The following HECW1 variants were observed in gnomAD, a reference collection of about 807,000 sequenced individuals.
HECW1 encodes the protein HECT, C2 and WW domain containing E3 ubiquitin protein ligase 1, also known as E3 ubiquitin-protein ligase HECW1.
A neutral mutation model predicts 182.3 loss-of-function variants in HECW1; 61 were observed. The ratio of observed to expected loss-of-function variants is 0.33; its 90% CI spans 0.27 to 0.41. The LOEUF (loss-of-function observed/expected upper bound fraction) is 0.41. HECW1 is among the 10% of genes least tolerant of loss of function. The probability of loss-of-function intolerance (pLI) is 1.00; values close to 1 mark genes in which losing one functional copy is unlikely to be tolerated. For synonymous variants in HECW1, 859 were observed against 832.6 expected (o/e 1.03, Z -0.55); for missense variants, 1,739 against 2,108.9 (o/e 0.82, Z 3.44).
intron 2 of HECW1, among the ~76,000 whole-genome samples, chr7:43,193,092 G>T (rs1794088983): frequency 6.6e-6 from 1 of 152,168 alleles, no homozygotes; most frequent in South Asian, 2.1e-4. Flanking sequence ...CACCATATAA[G>T]GTAACTTCTG....
intron 26 of HECW1, among the ~76,000 whole-genome samples, chr7:43,548,821 A>G (rs1017595602): frequency 9.2e-5 from 14 of 152,164 alleles, no homozygotes; most frequent in African/African-American, 3.4e-4. Context: ...GCATGCACCT[A>G]TAGTCCCAGT....
At chr7:43,443,423 TTTCTATA>T (rs1168909965) in intron 10 of HECW1, among the ~76,000 whole-genome samples, 1 of 152,238 alleles carries the variant, frequency 6.6e-6, no homozygotes, top group Non-Finnish European at 1.5e-5. Flanking sequence ...ATTCAGTCTA[TTTCTATA>T]TTCTGAGAAT....
intron 4 of HECW1, among the ~76,000 whole-genome samples, chr7:43,319,731 C>T (rs1278870209): frequency 6.8e-6 from 1 of 146,168 alleles, no homozygotes; most frequent in African/African-American, 2.6e-5. Flanking sequence ...TCCCAAATAG[C>T]TGAGATTATA....
chr7:43,274,675 G>A (rs1266341513), intron 3 of HECW1: 6 of 282,102 alleles, frequency 2.1e-5, no homozygotes, highest in Non-Finnish European at 3.5e-5. Flanking sequence ...GAGAGAGAGC[G>A]CGCAGTAAAA....
At chr7:43,389,421 G>T (rs922898730) in intron 6 of HECW1, among the ~76,000 whole-genome samples, 2 of 152,146 alleles carry the variant, frequency 1.3e-5, no homozygotes, top group Non-Finnish European at 2.9e-5. Flanking sequence ...TAGAGCAGAT[G>T]CCACTCAATT....
chr7:43,211,749 C>T (rs934869400), intron 2 of HECW1, among the ~76,000 whole-genome samples: 4 of 152,190 alleles, frequency 2.6e-5, no homozygotes, highest in African/African-American at 4.8e-5. Flanking sequence ...GGATATTGAA[C>T]AAAGGGAAAA....
intron 22 of HECW1, 101 bp downstream of exon 22, chr7:43,507,358 G>A: frequency 2.6e-6 from 3 of 1,168,344 alleles, no homozygotes; most frequent in Non-Finnish European, 3.6e-6. Context: ...GGCTACTCTG[G>A]TGTGGTAGTG....
chr7:43,363,322 G>A (rs527277691), intron 6 of HECW1, among the ~76,000 whole-genome samples: 1 of 152,320 alleles, frequency 6.6e-6, no homozygotes, highest in East Asian at 1.9e-4. Context: ...TCACACTGTT[G>A]ACATAAGGTT....
chr7:43,341,255 A>C (rs911365288), intron 5 of HECW1, among the ~76,000 whole-genome samples: 20 of 151,460 alleles, frequency 1.3e-4, no homozygotes, highest in Non-Finnish European at 2.2e-4. Flanking sequence ...CACATGTATA[A>C]CTATGTAACA....
chr7:43,371,785 G>A (rs1196902185), intron 6 of HECW1, among the ~76,000 whole-genome samples: 1 of 152,104 alleles, frequency 6.6e-6, no homozygotes, highest in Admixed American at 6.5e-5. Context: ...TTGTGATTAT[G>A]GGGAAAGGTT....
chr7:43,350,105 C>T (rs1814223926), intron 5 of HECW1, among the ~76,000 whole-genome samples: 2 of 152,230 alleles, frequency 1.3e-5, no homozygotes, highest in African/African-American at 4.8e-5. Flanking sequence ...GAGACTATAT[C>T]TTTCCTTCAT....
intron 14 of HECW1, 38 bp from the exon 15 acceptor site, chr7:43,466,409 C>A: frequency 6.2e-7 from 1 of 1,605,844 alleles, no homozygotes; most frequent in Non-Finnish European, 8.5e-7. Context: ...ATGCCTTTTT[C>A]CCAATGCATT....
chr7:43,432,739 T>A lies in HECW1; in HGVS notation c.802-5264T>A, dbSNP rs557994432. 4.2e-4 allele frequency among the ~76,000 whole-genome samples: 64 copies of A among 152,366 alleles called. No homozygotes were observed. Among genetic ancestry groups the A allele is most frequent in the African/African-American group, 1.5e-3 (62 of 41,598 alleles). ...TACCAACACTCTCCTAATCTCTGCC[T>A]AAATTGCTCATTATGCAACTGCTAC... On this transcript the variant is annotated intron_variant, in intron 8 of 29. Transcript: ENST00000395891. This position sits in a 1 kb window ranked among gnomAD's most constrained non-coding sequence, Gnocchi z 4.1.
At chr7:43,469,131 T>G (rs1326374138) in intron 16 of HECW1, 26 bp downstream of exon 16, 1 of 1,607,232 alleles carries the variant, frequency 6.2e-7, no homozygotes, top group African/African-American at 1.3e-5. Flanking sequence ...GTGCGGGGCT[T>G]TCATCAAACA....
chr7:43,367,814 A>G (rs968155834), intron 6 of HECW1, among the ~76,000 whole-genome samples: 5 of 152,216 alleles, frequency 3.3e-5, no homozygotes, highest in Non-Finnish European at 7.3e-5. Context: ...TTAGATATCA[A>G]CATAATGTAT....
chr7:43,402,039 T>G (rs1436573192), intron 7 of HECW1, among the ~76,000 whole-genome samples: 2 of 151,960 alleles, frequency 1.3e-5, no homozygotes, highest in Non-Finnish European at 2.9e-5. Context: ...ACAGCCAAAC[T>G]CCAGGGGAAG....
chr7:43,535,692 C>T (rs919309557), intron 24 of HECW1, among the ~76,000 whole-genome samples: 1 of 152,176 alleles, frequency 6.6e-6, no homozygotes, highest in Non-Finnish European at 1.5e-5. Context: ...TCGAGGGTGT[C>T]CGTACTGTAC....
At chr7:43,476,334 TA>T (rs1292731821) in intron 16 of HECW1, among the ~76,000 whole-genome samples, 16 of 152,236 alleles carry the variant, frequency 1.1e-4, no homozygotes, top group Non-Finnish European at 1.2e-4. Context: ...TGTCTTTCAG[TA>T]AAACAACTAC....
chr7:43,142,343 G>A (rs1401350413), intron 2 of HECW1, among the ~76,000 whole-genome samples: 4 of 152,136 alleles, frequency 2.6e-5, no homozygotes, highest in Non-Finnish European at 4.4e-5. Flanking sequence ...GCACTCCAGT[G>A]TTCCCCTAGG....
Sources: allele counts gnomAD v4.1 joint callset (sites outside exome capture counted in the v4.1 genomes callset), GRCh38; gene constraint gnomAD v4.1.1; non-coding constraint Gnocchi (gnomAD v3.1); transcripts MANE v1.5; gene names NCBI Gene and HGNC (gene_info 2026-07-23, HGNC 2026-07-21).